RASAL3: variants seen among roughly 807,000 people sequenced by gnomAD.
RASAL3 encodes the protein RAS protein activator like 3.
RASAL3 carries 74 observed loss-of-function variants against 105.5 expected under a neutral mutation model. That is an observed-to-expected ratio of 0.70 (90% CI 0.58 to 0.85). The LOEUF is 0.85. Ranked by LOEUF, RASAL3 falls within the 40% of genes least tolerant of loss-of-function variation. The pLI is 0.00. For missense variants in RASAL3, 1,352 were observed against 1,392.0 expected (o/e 0.97, Z 0.46); for synonymous variants, 579 against 591.6 (o/e 0.98, Z 0.31).
At chr19:15,454,597 G>T (rs889103663) in intron 12 of RASAL3, 35 bp from the exon 13 acceptor site, 1 of 1,612,304 alleles carries the variant, frequency 6.2e-7, no homozygotes, top group African/African-American at 1.3e-5. Flanking sequence ...GTCAGGTCAG[G>T]CACCTGCCAC....
intron 6 of RASAL3, 27 bp downstream of exon 6, chr19:15,460,176 C>T (rs1427765324): frequency 6.3e-7 from 1 of 1,587,610 alleles, no homozygotes; most frequent in Non-Finnish European, 8.6e-7. Flanking sequence ...TGAACCCCAG[C>T]CCCTCCAGCC....
Position 15,457,095 on chromosome 19 carries a change from G to GGCCCCGCCCTTCTAGGT in RASAL3, c.1431+180_1431+196dup, listed in dbSNP as rs1358290492. On this transcript the variant is annotated intron_variant, in intron 9 of 17. Coordinates refer to ENST00000343625, the MANE Select transcript of RASAL3 (RefSeq NM_022904.3). This position sits in a 1 kb window ranked among gnomAD's most constrained non-coding sequence, Gnocchi z 8.6. ...CCCCGCCCCTTACGGGTGATGTTCA[G>GGCCCCGCCCTTCTAGGT]GCCCCGCCCTTCTAGGTGCCCCGCC... Among the ~76,000 whole-genome samples, 24 of 151,508 alleles carry GGCCCCGCCCTTCTAGGT rather than the reference G, an allele frequency of 1.6e-4. No homozygotes were observed. Among genetic ancestry groups the GGCCCCGCCCTTCTAGGT allele is most frequent in the Admixed American group, 4.6e-4 (7 of 15,230 alleles).
At position 15,460,257 on chromosome 19, in the gene RASAL3, C is replaced by A; in HGVS notation, c.608G>T (p.Gly203Val). ...AGPNQVHNVR[G>V]LLKRLKEKKK... ...CTTCTCTTTCAGCCTCTTGAGCAACCCCTGTGGGGAAGGGAATGTCAGCTG... is the reference window on the plus strand; with the variant it reads ...CTTCTCTTTCAGCCTCTTGAGCAACACCTGTGGGGAAGGGAATGTCAGCTG... Residue 203 changes from glycine to valine, a missense_variant and splice_region_variant, in exon 6 of 18, where the codon GGG (glycine) becomes GTG (valine). By Grantham distance (109) the Gly-to-Val change is moderately radical. Coordinates refer to ENST00000343625, the MANE Select transcript of RASAL3 (RefSeq NM_022904.3). 6.2e-7 allele frequency: 1 copy of A among 1,606,930 alleles called. No individual in the cohort carries two copies. The highest frequency in any genetic ancestry group is 8.5e-7 in the Non-Finnish European group (1 of 1,176,676).
intron 1 of RASAL3, 60 bp downstream of exon 1, chr19:15,464,445 C>A: frequency 7.6e-7 from 1 of 1,313,850 alleles, no homozygotes; most frequent in Non-Finnish European, 1.1e-6. Context: ...TCGGCCCCCT[C>A]CCCACCCTCA....
At position 15,454,232 on chromosome 19, in the gene RASAL3, G is replaced by A; in HGVS notation, c.2196C>T (p.Ile732=). The A allele has an allele frequency of 2.6e-6, 4 of 1,567,636 alleles. No homozygotes were observed. The highest frequency in any genetic ancestry group is 4.7e-5 in the East Asian group (2 of 42,184). The change falls in exon 14 of 18, where the codon ATC becomes ATT. Residue 732 remains isoleucine, a synonymous_variant. Coordinates refer to ENST00000343625, the MANE Select transcript of RASAL3 (RefSeq NM_022904.3). ...GCTGGCCCTCCTCAATGGCTCGCAGGATGGTGGGCAGTGGTTCCAGGGTGT... is the reference window on the plus strand; with the variant it reads ...GCTGGCCCTCCTCAATGGCTCGCAGAATGGTGGGCAGTGGTTCCAGGGTGT... ...TRDTLEPLPT[I]LRAIEEGQPV... is the part of the protein sequence containing the mutation.
In RASAL3 at chr19:15,456,421, G is replaced by T; in HGVS notation, c.1576+81C>A. On this transcript the variant is annotated intron_variant, in intron 10 of 17. Coordinates refer to ENST00000343625, the MANE Select transcript of RASAL3 (RefSeq NM_022904.3). The surrounding 1 kb of genome is among the most constrained non-coding windows in gnomAD (Gnocchi z 4.4). ...AACACCACTCACTACCAGAATCCAG[G>T]TTGCTCAAGGACTCTTAGAACTTCA... The T allele has an allele frequency of 1.3e-6, 2 of 1,568,782 alleles. No homozygotes were observed. The highest frequency in any genetic ancestry group is 1.7e-6 in the Non-Finnish European group (2 of 1,152,798).
chr19:15,456,629 C>T lies in RASAL3; in HGVS notation c.1449G>A (p.Leu483=). ...CACAGCGCGCCAGCTCCGCAGTGCC[C>T]AGGTCAGTCACCAGCGCCTAGGAAG... ...TGRAQALVTD[L]GTAELARCGG... The change falls in exon 10 of 18, where the codon CTG becomes CTA. Residue 483 remains leucine (L), a synonymous_variant. Transcript: ENST00000343625. The surrounding 1 kb of genome is among the most constrained non-coding windows in gnomAD (Gnocchi z 4.4). The T allele has an allele frequency of 6.2e-7, 1 of 1,612,754 alleles. No homozygotes were observed. The highest frequency in any genetic ancestry group is 8.5e-7 in the Non-Finnish European group (1 of 1,179,590).
intron 17 of RASAL3, 44 bp downstream of exon 17, chr19:15,452,001 C>G: frequency 5.0e-6 from 8 of 1,613,848 alleles, no homozygotes; most frequent in Non-Finnish European, 6.8e-6. Context: ...ACCCTTGCTC[C>G]TCCACCGCCC....
Position 15,456,687 on chromosome 19 carries a change from G to C in RASAL3, c.1432-41C>G, listed in dbSNP as rs773400858. Reference sequence around the variant, plus strand: ...GGTCAGGTTGCACCAGATGCAGACAGAGTCCAAGGGAATTCGGATCCTTGG... The same window carrying C: ...GGTCAGGTTGCACCAGATGCAGACACAGTCCAAGGGAATTCGGATCCTTGG... On this transcript the variant is annotated intron_variant, in intron 9 of 17. Coordinates refer to ENST00000343625, the MANE Select transcript of RASAL3 (RefSeq NM_022904.3). This position sits in a 1 kb window ranked among gnomAD's most constrained non-coding sequence, Gnocchi z 4.4. 1.3e-6 allele frequency: 2 copies of C among 1,595,540 alleles called. No homozygotes were observed. The highest frequency in any genetic ancestry group is 2.3e-5 in the East Asian group (1 of 44,340).
intron 14 of RASAL3, 37 bp downstream of exon 14, chr19:15,454,112 T>C: frequency 6.9e-7 from 1 of 1,456,836 alleles, no homozygotes; most frequent in South Asian, 1.3e-5. Context: ...TCCTTCCTGT[T>C]CCCACCCATC....
chr19:15,455,740 A>C (rs1345994414), intron 11 of RASAL3, among the ~76,000 whole-genome samples: 1 of 152,218 alleles, frequency 6.6e-6, no homozygotes, highest in African/African-American at 2.4e-5. Flanking sequence ...AGCTCACTGC[A>C]GCCTTGAATC....
At position 15,461,220 on chromosome 19, in the gene RASAL3, G is replaced by C; in HGVS notation, c.542C>G (p.Pro181Arg). The change falls in exon 4 of 18, where the codon CCA becomes CGA. Residue 181 changes from proline to arginine, a missense_variant and splice_region_variant. Pro to Arg is a moderately radical substitution (Grantham distance 103). Transcript: ENST00000343625. ...GCCTTTCCACCCCTCAAGCTTACCT[G>C]GATCCCTGAAGTTCCCCATGGCCAC... ...IHVAMGNFRD[P>R]DRMPGKTEPE... 6.2e-7 allele frequency: 1 copy of C among 1,613,912 alleles called. No individual in the cohort carries two copies. Among genetic ancestry groups the C allele is most frequent in the Non-Finnish European group, 8.5e-7 (1 of 1,179,846 alleles).
chr19:15,461,378 C>T lies in RASAL3; in HGVS notation c.466-82G>A, dbSNP rs1054552699. 18 of 1,525,690 alleles carry T rather than the reference C, an allele frequency of 1.2e-5. 1 individual carries two copies. Among genetic ancestry groups the T allele is most frequent in the Non-Finnish European group, 1.6e-5 (18 of 1,120,138 alleles). 94.5% of individuals were successfully genotyped at this position (1,525,690 alleles called of 1,614,324 possible). ...GGCAGACCGAGGGAGAGGCAGACAC[C>T]TTCCCATTATCCTCCCTCCAGCCCC... On this transcript the variant is annotated intron_variant, in intron 3 of 17. Transcript: ENST00000343625.
At chr19:15,458,920 G>A (rs1216706245) in intron 6 of RASAL3, among the ~76,000 whole-genome samples, 1 of 150,768 alleles carries the variant, frequency 6.6e-6, no homozygotes, top group Non-Finnish European at 1.5e-5. Flanking sequence ...AGCCTCCCTG[G>A]CCTTGTTTTA....
At position 15,458,592 on chromosome 19, in the gene RASAL3, G is replaced by A; in HGVS notation, c.726C>T (p.Ala242=). 2 of 1,613,576 alleles carry A rather than the reference G, an allele frequency of 1.2e-6. No homozygotes were observed. Among genetic ancestry groups the A allele is most frequent in the African/African-American group, 2.7e-5 (2 of 75,016 alleles). The change falls in exon 7 of 18, where the codon GCC becomes GCT. Residue 242 remains alanine, a synonymous_variant. Coordinates refer to ENST00000343625, the MANE Select transcript of RASAL3 (RefSeq NM_022904.3). The part of the protein sequence containing the change: ...LATLSELDLG[A]ERDVRIWPLH... The stretch of plus-strand genomic sequence containing the variant: ...GTGGCCAGATCCGCACATCCCGCTC[G>A]GCACCCAGGTCCAGTTCAGAGAGTG...
rs1970307625 is a variant in RASAL3 at position 15,456,119 on chromosome 19, A to G, written c.1706T>C (p.Ile569Thr). The change falls in exon 11 of 18, where the codon ATT (isoleucine) becomes ACT (threonine). Residue 569 changes from isoleucine to threonine, a missense_variant. Around this residue, in one of 3 missense-constraint regions of RASAL3, gnomAD observed 920 missense variants for 919.6 expected, o/e 1.00. Transcript: ENST00000343625. The surrounding 1 kb of genome is among the most constrained non-coding windows in gnomAD (Gnocchi z 4.4). ...TGATTCTCACTCGTAGGAATGGATA[A>G]TGGTTTCGAAGACCTCCTCGCAGCT... Reference protein sequence around the residue: ...RNSCEEVFETIIHSYDWFPAE... With the variant: ...RNSCEEVFETTIHSYDWFPAE... 1.9e-6 allele frequency: 3 copies of G among 1,613,746 alleles called. No homozygotes were observed. The East Asian group carries it at 6.7e-5, about 36-fold the overall frequency.
Position 15,456,432 on chromosome 19 carries a change from A to C in RASAL3, c.1576+70T>G. On this transcript the variant is annotated intron_variant, in intron 10 of 17. Transcript: ENST00000343625. The surrounding 1 kb of genome is among the most constrained non-coding windows in gnomAD (Gnocchi z 4.4). ...CTACCAGAATCCAGGTTGCTCAAGG[A>C]CTCTTAGAACTTCACCCAGGTCCCC... 6.9e-6 allele frequency: 11 copies of C among 1,584,610 alleles called. No individual in the cohort carries two copies. The highest frequency in any genetic ancestry group is 9.5e-6 in the Non-Finnish European group (11 of 1,162,176).
In RASAL3 at chr19:15,457,370, C is replaced by A. The variant is rs1316506522; in HGVS notation, c.1353G>T (p.Glu451Asp). 14 of 1,436,066 alleles carry A rather than the reference C, an allele frequency of 9.7e-6. No individual in the cohort carries two copies. The highest frequency in any genetic ancestry group is 1.5e-5 in the African/African-American group (1 of 66,060). 89.0% of individuals were successfully genotyped at this position (1,436,066 alleles called of 1,614,324 possible). A position where few individuals can be genotyped will look rare whatever the true frequency, so the allele number is the denominator to read the frequency against. ...CCTTGGCCTGCGCAGGCAGCGCGGG[C>A]TCCAGGGCCCCGCAGAGGCGCGCAT... ...FHYARLCGAL[E>D]PALPAQAKEE... Residue 451 changes from glutamate (E) to aspartate (D), a missense_variant, in exon 9 of 18, where the codon GAG (glutamate) becomes GAT (aspartate). Glu to Asp is a conservative substitution (Grantham distance 45). Around this residue, in one of 3 missense-constraint regions of RASAL3, gnomAD observed 920 missense variants for 919.6 expected, o/e 1.00. Transcript: ENST00000343625. This position sits in a 1 kb window ranked among gnomAD's most constrained non-coding sequence, Gnocchi z 8.6.
intron 11 of RASAL3, 72 bp from the exon 12 acceptor site, chr19:15,454,965 G>A (rs1970274468): frequency 8.4e-7 from 1 of 1,188,022 alleles, no homozygotes; most frequent in Non-Finnish European, 1.2e-6. Flanking sequence ...ATAAGGTTGG[G>A]AGTCCCAGAA....
Sources: allele counts gnomAD v4.1 joint callset (sites outside exome capture counted in the v4.1 genomes callset), GRCh38; gene constraint gnomAD v4.1.1; regional missense constraint gnomAD v4.1.1; non-coding constraint Gnocchi (gnomAD v3.1); transcripts MANE v1.5; gene names NCBI Gene and HGNC (gene_info 2026-07-23, HGNC 2026-07-21).